The following CFAP65 variants were observed in gnomAD, a reference collection of about 807,000 sequenced individuals.
CFAP65 encodes the protein cilia and flagella associated protein 65, also known as cilia- and flagella-associated protein 65.
In CFAP65, 155 loss-of-function variants were observed where a neutral mutation model predicts 208.0. That is an observed-to-expected ratio of 0.75 (90% CI 0.65 to 0.85). The LOEUF (loss-of-function observed/expected upper bound fraction) is 0.85, where lower values mean the gene tolerates loss of function less well. CFAP65 is among the 40% of genes least tolerant of loss of function. CFAP65 has a pLI of 0.00. For synonymous variants in CFAP65, 970 were observed against 986.3 expected, an observed-to-expected ratio of 0.98 and a Z score of 0.31; for missense variants, 2,294 against 2,451.3, an observed-to-expected ratio of 0.94 and a Z score of 1.36.
chr2:219,009,593 AGATGG>A (rs1191747293), intron 27 of CFAP65, 133 bp from the exon 28 acceptor site: 4 of 486,058 alleles, frequency 8.2e-6, no homozygotes, highest in African/African-American at 2.1e-5. Context: ...GGATGGGACA[AGATGG>A]GATGGGATGG....
intron 28 of CFAP65, 94 bp from the exon 29 acceptor site, chr2:219,009,248 C>T: frequency 6.8e-7 from 1 of 1,465,216 alleles, no homozygotes; most frequent in Non-Finnish European, 9.5e-7. Flanking sequence ...CTGACTTCTG[C>T]CTTTTGCTGG....
chr2:219,004,464 C>T lies in CFAP65; in HGVS notation c.5052-9G>A. On this transcript the variant is annotated splice_polypyrimidine_tract_variant and intron_variant, in intron 32 of 34. Transcript: ENST00000341552. The surrounding 1 kb of genome is among the most constrained non-coding windows in gnomAD (Gnocchi z 4.7). Reference sequence around the variant, plus strand: ...TGTCTTCCAGCAGGCCCCTAGGTGGCAGGGAGAAGGAGAAGGCCCTTGCTG... The same window carrying T: ...TGTCTTCCAGCAGGCCCCTAGGTGGTAGGGAGAAGGAGAAGGCCCTTGCTG... 2 of 1,595,854 alleles carry T rather than the reference C, an allele frequency of 1.3e-6. No individual in the cohort carries two copies. The highest frequency in any genetic ancestry group is 1.7e-6 in the Non-Finnish European group (2 of 1,171,156).
chr2:219,003,880 G>A lies in CFAP65; in HGVS notation c.5555+72C>T, dbSNP rs932902007. Reference sequence around the variant, plus strand: ...TGCATACAGGCAGCAGCCATCCTTGGCATCCCACTGCCTCCTAGGAACCTT... The same window carrying A: ...TGCATACAGGCAGCAGCCATCCTTGACATCCCACTGCCTCCTAGGAACCTT... On this transcript the variant is annotated intron_variant, in intron 33 of 34. Coordinates refer to ENST00000341552, the MANE Select transcript of CFAP65 (RefSeq NM_194302.4). This position sits in a 1 kb window ranked among gnomAD's most constrained non-coding sequence, Gnocchi z 4.4. The A allele has an allele frequency of 6.5e-7, 1 of 1,532,280 alleles. No individual in the cohort carries two copies. Among genetic ancestry groups the A allele is most frequent in the African/African-American group, 1.4e-5 (1 of 73,078 alleles). The allele number at this position is 1,532,280 out of a possible 1,614,324, so 94.9% of individuals were successfully genotyped here. A position where few individuals can be genotyped will look rare whatever the true frequency, so the allele number is the denominator to read the frequency against.
Position 219,010,547 on chromosome 2 carries a change from T to C in CFAP65, c.4307A>G (p.Gln1436Arg). Residue 1436 changes from glutamine to arginine, a missense_variant and splice_region_variant, in exon 26 of 35, where the codon CAG becomes CGG. Physicochemically the swap from Gln to Arg is conservative, Grantham distance 43. Transcript: ENST00000341552. ...CCTTCCTAGCTCCCCTTTCCCCACCTGTCCAGGCACCACCAGCCTAGAGTG... is the reference window on the plus strand; with the variant it reads ...CCTTCCTAGCTCCCCTTTCCCCACCCGTCCAGGCACCACCAGCCTAGAGTG... The part of the protein sequence containing the change: ...SIHSRLVVPG[Q>R]NVFLSQSHIS... 1 of 1,607,934 alleles carries C rather than the reference T, an allele frequency of 6.2e-7. No homozygotes were observed. Among genetic ancestry groups the C allele is most frequent in the South Asian group, 1.1e-5 (1 of 89,992 alleles).
intron 14 of CFAP65, among the ~76,000 whole-genome samples, chr2:219,024,552 A>G (rs1947505929): frequency 6.6e-6 from 1 of 151,914 alleles, no homozygotes; most frequent in African/African-American, 2.4e-5. Flanking sequence ...AGGATAAAGT[A>G]GAAGTTGTTT....
chr2:219,041,351 G>A (rs1948645846), intron 1 of CFAP65, 137 bp downstream of exon 1: 4 of 804,376 alleles, frequency 5.0e-6, no homozygotes, highest in African/African-American at 1.7e-5. Context: ...AGTCCCATGG[G>A]GCTCTCTGAA....
chr2:219,022,137 C>T, intron 17 of CFAP65, 34 bp downstream of exon 17: 1 of 1,536,090 alleles, frequency 6.5e-7, no homozygotes, highest in South Asian at 1.3e-5. Flanking sequence ...GGGCCTCTCC[C>T]CCAGCCCCCT....
At chr2:219,029,192 G>T (rs1947851872) in intron 11 of CFAP65, among the ~76,000 whole-genome samples, 1 of 152,246 alleles carries the variant, frequency 6.6e-6, no homozygotes, top group Non-Finnish European at 1.5e-5. Flanking sequence ...TGGCCTGGTA[G>T]CAGGGCAAGA....
At position 219,030,839 on chromosome 2, in the gene CFAP65, G is replaced by A. The variant is rs1947967761; in HGVS notation, c.1016-5C>T. On this transcript the variant is annotated splice_region_variant and splice_polypyrimidine_tract_variant and intron_variant, in intron 8 of 34. Coordinates refer to ENST00000341552, the MANE Select transcript of CFAP65 (RefSeq NM_194302.4). Reference sequence around the variant, plus strand: ...CCAGCAGCTGGGCGCACTTGGCTGGGGCAGAGATGGGGGAGTCTTGGGGGA... The same window carrying A: ...CCAGCAGCTGGGCGCACTTGGCTGGAGCAGAGATGGGGGAGTCTTGGGGGA... 6 of 1,612,676 alleles carry A rather than the reference G, an allele frequency of 3.7e-6. No homozygotes were observed. The African/African-American group carries it at 6.7e-5, about 18-fold the overall frequency.
In CFAP65 at chr2:219,005,236, C is replaced by T. The variant is rs568713225; in HGVS notation, c.5051+198G>A. Among the ~76,000 whole-genome samples the T allele has an allele frequency of 3.9e-5, 6 of 152,162 alleles. No individual in the cohort carries two copies. In the East Asian group the frequency reaches 7.7e-4, roughly 20 times the overall value. Reference sequence around the variant, plus strand: ...AGATGGGGTCTTGCTATGTTGCCCACGCTGGTCTCAAACTCCTGGGCTCAA... The same window carrying T: ...AGATGGGGTCTTGCTATGTTGCCCATGCTGGTCTCAAACTCCTGGGCTCAA... On this transcript the variant is annotated intron_variant, in intron 32 of 34. Transcript: ENST00000341552.
chr2:219,007,975 T>C (rs1272326574), intron 29 of CFAP65, among the ~76,000 whole-genome samples: 2 of 151,952 alleles, frequency 1.3e-5, no homozygotes, highest in Non-Finnish European at 2.9e-5. Flanking sequence ...CCCGCCATCA[T>C]GGCCGGCTAA....
At chr2:219,023,142 T>C (rs972451682) in intron 16 of CFAP65, 65 bp downstream of exon 16, 32 of 1,391,366 alleles carry the variant, frequency 2.3e-5, no homozygotes, top group African/African-American at 8.5e-5. Context: ...TGGGCTATGA[T>C]AGGCACAAAT....
rs1948143111 is a variant in CFAP65, at chr2:219,032,936, C to G, written c.543-364G>C. ...CTGAGGAGGGTGGGACCGGGGATGC[C>G]TTTCCAGAGACCTCAGCAGAGCTGT... On this transcript the variant is annotated intron_variant, in intron 5 of 34. Transcript: ENST00000341552. This position sits in a 1 kb window ranked among gnomAD's most constrained non-coding sequence, Gnocchi z 5.5. 6.6e-6 allele frequency among the ~76,000 whole-genome samples: 1 copy of G among 152,148 alleles called. No homozygotes were observed. The highest frequency in any genetic ancestry group is 2.4e-5 in the African/African-American group (1 of 41,408).
Position 219,027,656 on chromosome 2 carries a change from G to A in CFAP65, c.2205C>T (p.Ile735=). ...TCTCATTGCGTGCACACACCTTATA[G>A]ATGGCGAAGGCTTCGAGCTCCACCG... is the stretch of plus-strand genomic sequence containing the variant. ...LYTVELEAFA[I]YKVLQSYSNI... Residue 735 remains isoleucine (I), a synonymous_variant, in exon 13 of 35, where the codon ATC becomes ATT. Coordinates refer to ENST00000341552, the MANE Select transcript of CFAP65 (RefSeq NM_194302.4). 2 of 1,613,870 alleles carry A rather than the reference G, an allele frequency of 1.2e-6. No homozygotes were observed. The highest frequency in any genetic ancestry group is 1.3e-5 in the African/African-American group (1 of 75,066).
chr2:219,038,334 C>T, intron 4 of CFAP65, 41 bp downstream of exon 4: 1 of 1,595,770 alleles, frequency 6.3e-7, no homozygotes, highest in Non-Finnish European at 8.5e-7. Context: ...CCGCCCTGGC[C>T]CTGCCACACC....
rs1322544076 is a variant in CFAP65, at chr2:219,016,986, C to T, written c.3602+2065G>A. The stretch of plus-strand genomic sequence containing the variant: ...GCTTCACAACCTTTCTGCCTTTTCC[C>T]GCGAGGCTGTAGGTCTAGCTTAGTT... On this transcript the variant is annotated intron_variant, in intron 21 of 34. Coordinates refer to ENST00000341552, the MANE Select transcript of CFAP65 (RefSeq NM_194302.4). 5.3e-5 allele frequency among the ~76,000 whole-genome samples: 8 copies of T among 152,248 alleles called. No individual in the cohort carries two copies. The South Asian group carries it at 8.3e-4, about 16-fold the overall frequency.
chr2:219,021,163 A>G lies in CFAP65; in HGVS notation c.3248T>C (p.Leu1083Pro), dbSNP rs913442524. ...GGCAGTCTAGGTACCTCTGTGGGAA[A>G]GGAGAGAGTAGGTGATGGTCCAGGA... The part of the protein sequence containing the change: ...QYSWTITYSL[L>P]SHRDNKAGEK... Residue 1083 changes from leucine (L) to proline (P), a missense_variant, in exon 19 of 35, where the codon CTT becomes CCT. By Grantham distance (98) the Leu-to-Pro change is moderately conservative. Around this residue, in one of 2 missense-constraint regions of CFAP65, gnomAD observed 1,427 missense variants for 1,438.7 expected, o/e 0.99. Transcript: ENST00000341552. 3.2e-6 allele frequency: 5 copies of G among 1,567,232 alleles called. No individual in the cohort carries two copies. The highest frequency in any genetic ancestry group is 1.4e-5 in the African/African-American group (1 of 73,472).
Position 219,013,309 on chromosome 2 carries a change from T to A in CFAP65, c.3907A>T (p.Thr1303Ser). The change falls in exon 24 of 35, where the codon ACC becomes TCC. Residue 1303 changes from threonine (T) to serine (S), a missense_variant. Thr to Ser is a moderately conservative substitution (Grantham distance 58). Around this residue, in one of 2 missense-constraint regions of CFAP65, gnomAD observed 1,427 missense variants for 1,438.7 expected, o/e 0.99. Transcript: ENST00000341552. ...EQKYVHFTST[T>S]HQFIPIPIGD... ...ATGGGAATGGGGATGAACTGGTGGG[T>A]AGTAGAGGTGAAGTGCACATACTTC... 2 of 1,614,042 alleles carry A rather than the reference T, an allele frequency of 1.2e-6. No individual in the cohort carries two copies. Among genetic ancestry groups the A allele is most frequent in the Non-Finnish European group, 1.7e-6 (2 of 1,179,964 alleles).
At chr2:219,027,326 T>C (rs1474318394) in intron 13 of CFAP65, 30 of 1,441,516 alleles carry the variant, frequency 2.1e-5, no homozygotes, top group Non-Finnish European at 9.1e-7. Context: ...CAAGGACTAG[T>C]AGAGAAGCTA....
Sources: gnomAD v4.1 joint callset for allele counts (sites outside exome capture counted in the v4.1 genomes callset) on GRCh38, gnomAD v4.1.1 for gene constraint, gnomAD v4.1.1 regional missense constraint, Gnocchi (gnomAD v3.1) non-coding constraint, MANE v1.5 for transcripts, NCBI Gene and HGNC (gene_info 2026-07-23, HGNC 2026-07-21) for gene names.